Variants in FREM1 observed in about 807,000 individuals in gnomAD.
FREM1 encodes FRAS1-related extracellular matrix protein 1.
A neutral mutation model predicts 210.1 loss-of-function variants in FREM1; 220 were observed. That is an observed-to-expected ratio of 1.05 (90% confidence interval 0.94 to 1.17). The LOEUF is 1.17. Among genes scored for constraint, FREM1 ranks in the 50% most tolerant of loss-of-function variants. The pLI is 0.00. For synonymous variants in FREM1, 1,189 were observed against 980.2 expected (o/e 1.21, Z -3.98); for missense variants, 3,454 against 2,675.5 (o/e 1.29, Z -6.42).
At chr9:14,747,223 C>G in intron 33 of FREM1, 41 bp downstream of exon 33, 1 of 1,597,480 alleles carries the variant, frequency 6.3e-7, no homozygotes, top group Non-Finnish European at 8.5e-7. Flanking sequence ...CAGCAAACAA[C>G]TTGTTATAAG....
At chr9:14,871,560 T>G (rs1299518986) in intron 1 of FREM1, among the ~76,000 whole-genome samples, 1 of 152,230 alleles carries the variant, frequency 6.6e-6, no homozygotes, top group Non-Finnish European at 1.5e-5. Flanking sequence ...TATTAGCCTT[T>G]GTCAAATGAG....
chr9:14,811,351 GAC>G, intron 16 of FREM1, among the ~76,000 whole-genome samples: 1 of 152,298 alleles, frequency 6.6e-6, no homozygotes, highest in East Asian at 1.9e-4. Flanking sequence ...TGGAAAAGAA[GAC>G]AGATTCTTCT....
At chr9:14,828,731 T>C (rs1353277395) in intron 10 of FREM1, among the ~76,000 whole-genome samples, 1 of 152,000 alleles carries the variant, frequency 6.6e-6, no homozygotes, top group Non-Finnish European at 1.5e-5. Context: ...AAATTAGTCA[T>C]TTATCCCGTT....
At chr9:14,743,199 G>T (rs1052669560) in intron 35 of FREM1, among the ~76,000 whole-genome samples, 1 of 152,108 alleles carries the variant, frequency 6.6e-6, no homozygotes. Context: ...AAGTGCATGA[G>T]AAAGTATCTA....
At chr9:14,782,362 T>G (rs1358725933) in intron 24 of FREM1, 1 of 982,718 alleles carries the variant, frequency 1.0e-6, no homozygotes, top group Non-Finnish European at 1.2e-6. Flanking sequence ...ACCATTCGAT[T>G]AATATCTAAC....
chr9:14,889,535 G>A (rs1564178440), intron 1 of FREM1, among the ~76,000 whole-genome samples: 1 of 152,206 alleles, frequency 6.6e-6, no homozygotes, highest in Non-Finnish European at 1.5e-5. Context: ...AAGGCTGGAT[G>A]GGAATCTCAG....
chr9:14,896,512 TC>T (rs1270892873), intron 1 of FREM1, among the ~76,000 whole-genome samples: 5 of 128,666 alleles, frequency 3.9e-5, no homozygotes, highest in Admixed American at 9.7e-5. Flanking sequence ...ACCACTGCAC[TC>T]CAGCCTGGGC....
chr9:14,833,158 GGT>G (rs1431521826), intron 10 of FREM1, among the ~76,000 whole-genome samples: 2 of 152,168 alleles, frequency 1.3e-5, no homozygotes, highest in African/African-American at 4.8e-5. Flanking sequence ...CACTCTGGGT[GGT>G]GCCAGCCGAT....
chr9:14,818,010 CA>C (rs1163155238), intron 14 of FREM1, among the ~76,000 whole-genome samples: 2 of 152,182 alleles, frequency 1.3e-5, no homozygotes, highest in South Asian at 2.1e-4. Flanking sequence ...GATATTCTTT[CA>C]AAATCTGACC....
chr9:14,748,754 AC>A, intron 30 of FREM1, 115 bp from the exon 31 acceptor site: 2 of 690,950 alleles, frequency 2.9e-6, no homozygotes, highest in Non-Finnish European at 4.9e-6. Flanking sequence ...TGGTTTTCCC[AC>A]CAGATGTTGC....
intron 10 of FREM1, among the ~76,000 whole-genome samples, chr9:14,833,056 G>A (rs1368730236): frequency 6.6e-6 from 1 of 152,096 alleles, no homozygotes; most frequent in Non-Finnish European, 1.5e-5. Flanking sequence ...GCAATACTTT[G>A]TTTTAGTCTC....
chr9:14,747,941 C>A (rs1181502920), intron 31 of FREM1, among the ~76,000 whole-genome samples: 9 of 152,116 alleles, frequency 5.9e-5, no homozygotes, highest in African/African-American at 2.2e-4. Flanking sequence ...ATACAGAGTT[C>A]CAGTCAGGGA....
intron 3 of FREM1, among the ~76,000 whole-genome samples, chr9:14,862,080 T>C (rs1830700476): frequency 6.6e-6 from 1 of 152,260 alleles, no homozygotes; most frequent in African/African-American, 2.4e-5. Flanking sequence ...TGATTTCATA[T>C]CTTCCTAAGG....
At chr9:14,750,564 T>G (rs1448442600) in intron 29 of FREM1, among the ~76,000 whole-genome samples, 2 of 152,188 alleles carry the variant, frequency 1.3e-5, no homozygotes, top group African/African-American at 4.8e-5. Flanking sequence ...ATCCAAGACT[T>G]AATTATTTTC....
rs1831056823 is a variant in FREM1, at chr9:14,863,983, T to C, written c.235-80A>G. ...AACATTTTGCCAGGAGAGCACTGCC[T>C]GGAGAAAATATGCTCTGTTAGTAAT... is the stretch of plus-strand genomic sequence containing the variant. On this transcript the variant is annotated intron_variant, in intron 2 of 36. Coordinates refer to ENST00000380880, the MANE Select transcript of FREM1 (RefSeq NM_001379081.2). 16 of 840,200 alleles carry C rather than the reference T, an allele frequency of 1.9e-5. No homozygotes were observed. The South Asian group carries it at 2.0e-4, about 10-fold the overall frequency. The allele number at this position is 840,200 out of a possible 1,614,324, so 52.0% of individuals were successfully genotyped here. A position where few individuals can be genotyped will look rare whatever the true frequency, so the allele number is the denominator to read the frequency against.
At chr9:14,860,720 CAT>C (rs200736147) in intron 3 of FREM1, among the ~76,000 whole-genome samples, 2 of 86,624 alleles carry the variant, frequency 2.3e-5, no homozygotes, top group African/African-American at 5.0e-5. Context: ...CATATATACA[CAT>C]ATATACACAT....
At chr9:14,874,806 C>T (rs938430325) in intron 1 of FREM1, among the ~76,000 whole-genome samples, 16 of 152,066 alleles carry the variant, frequency 1.1e-4, no homozygotes, top group African/African-American at 2.7e-4. Context: ...TGGCTGGTAC[C>T]GGTTGTTCCT....
intron 28 of FREM1, 138 bp from the exon 29 acceptor site, chr9:14,756,584 A>G: frequency 1.7e-6 from 1 of 579,390 alleles, no homozygotes; most frequent in Non-Finnish European, 2.9e-6. Flanking sequence ...TAAAAAAATT[A>G]TATAAGCCAT....
rs370950903 is a variant in FREM1 at position 14,789,046 on chromosome 9, C to G, written c.4050G>C (p.Leu1350Phe). ...TTGCCCCGGTGTGTGTGTATCTCAG[C>G]AAGTTCAGATCCACTTCCTCCTGAG... The part of the protein sequence containing the change: ...KCTQEEVDLN[L>F]LRYTHTGAMD... Residue 1350 changes from leucine to phenylalanine, a missense_variant, in exon 23 of 37, where the codon TTG becomes TTC. Physicochemically the swap from Leu to Phe is conservative, Grantham distance 22 (BLOSUM62 0). Coordinates refer to ENST00000380880, the MANE Select transcript of FREM1 (RefSeq NM_001379081.2). 1.2e-6 allele frequency: 2 copies of G among 1,609,772 alleles called. No individual in the cohort carries two copies. The highest frequency in any genetic ancestry group is 1.1e-5 in the South Asian group (1 of 89,910).
Sources: allele counts gnomAD v4.1 joint callset (sites outside exome capture counted in the v4.1 genomes callset), GRCh38; gene constraint gnomAD v4.1.1; transcripts MANE v1.5; gene names NCBI Gene and HGNC (gene_info 2026-07-23, HGNC 2026-07-21).